Variants in CD1B observed in about 807,000 individuals in gnomAD.
CD1B encodes the protein CD1b molecule.
In CD1B, 43 loss-of-function variants were observed where a neutral mutation model predicts 39.8. That is an observed-to-expected ratio of 1.08 (90% CI 0.85 to 1.39). The LOEUF (loss-of-function observed/expected upper bound fraction) is 1.39. CD1B is among the 40% of genes most tolerant of loss of function. The probability of loss-of-function intolerance (pLI) is 0.00; values close to 1 mark genes in which losing one functional copy is unlikely to be tolerated. For missense variants in CD1B, 495 were observed against 403.8 expected (o/e 1.23, Z -1.94); for synonymous variants, 192 against 152.5 (o/e 1.26, Z -1.91).
Position 158,331,063 on chromosome 1 carries a change from C to T in CD1B, c.62-1G>A, listed in dbSNP as rs1652584615. On this transcript the variant is annotated splice_acceptor_variant, in intron 1 of 5. Transcript: ENST00000368168. LOFTEE classifies it high-confidence loss of function. Reference sequence around the variant, plus strand: ...TGAAAGGAGGTCGGCCCCTGGAAGGCTGTGAAGAGTGGAAAAGCAAGATGG... The same window carrying T: ...TGAAAGGAGGTCGGCCCCTGGAAGGTTGTGAAGAGTGGAAAAGCAAGATGG... 6.2e-7 allele frequency: 1 copy of T among 1,601,512 alleles called. No homozygotes were observed. Among genetic ancestry groups the T allele is most frequent in the Non-Finnish European group, 8.5e-7 (1 of 1,175,416 alleles).
At chr1:158,305,221 G>A in the CD1B span, among the ~76,000 whole-genome samples, 1 of 152,106 alleles carries the variant, frequency 6.6e-6, no homozygotes, top group African/African-American at 2.4e-5. Context: ...ACTAGAATAA[G>A]CAATGCAGAG....
At chr1:158,309,119 T>C in the CD1B span, among the ~76,000 whole-genome samples, 1 of 151,910 alleles carries the variant, frequency 6.6e-6, no homozygotes, top group Non-Finnish European at 1.5e-5. Flanking sequence ...TACTATGAAC[T>C]CAAACAAATT....
At position 158,328,175 on chromosome 1, in the gene CD1B, G is replaced by C. The variant is rs190751366; in HGVS notation, c.*61C>G. 1.8e-3 allele frequency: 2,190 copies of C among 1,250,512 alleles called. 17 individuals are homozygous for C. The highest frequency in any genetic ancestry group is 4.5e-3 in the South Asian group (353 of 78,232). 77.5% of individuals were successfully genotyped at this position (1,250,512 alleles called of 1,614,324 possible). ...TTGAAATATGATAAGATTGACTTTT[G>C]GGCTGATATCTTGGGCTTCTTGGTA... On this transcript the variant is annotated 3_prime_UTR_variant, in exon 6 of 6. Transcript: ENST00000368168.
the CD1B span, among the ~76,000 whole-genome samples, chr1:158,294,773 T>C: frequency 7.2e-4 from 110 of 152,350 alleles, no homozygotes; most frequent in South Asian, 3.1e-3. Flanking sequence ...ATCTACTTGG[T>C]ATTGCCTTTT....
At chr1:158,287,699 C>A in the CD1B span, among the ~76,000 whole-genome samples, 2 of 151,866 alleles carry the variant, frequency 1.3e-5, no homozygotes, top group Non-Finnish European at 2.9e-5. Flanking sequence ...TTCAAGAGGG[C>A]AAAAAGGATG....
Position 158,329,349 on chromosome 1 carries a change from TGGGTC to T in CD1B, c.886+16_886+20del. Reference sequence around the variant, plus strand: ...AGATCACTTCCTGGCATTTCCAGCCTGGGTCCCTGCTATTTCTTACTCCAGTAGAG... The same window carrying T: ...AGATCACTTCCTGGCATTTCCAGCCTCCTGCTATTTCTTACTCCAGTAGAG... On this transcript the variant is annotated intron_variant, in intron 4 of 5. Transcript: ENST00000368168. The T allele has an allele frequency of 6.2e-7, 1 of 1,601,776 alleles. No individual in the cohort carries two copies. The highest frequency in any genetic ancestry group is 8.5e-7 in the Non-Finnish European group (1 of 1,171,382).
At position 158,328,230 on chromosome 1, in the gene CD1B, G is replaced by A; in HGVS notation, c.*6C>T. ...TTGCGAATGGGAGAGGAGACATGAT[G>A]ATGGCTCATGGGATATTCTGATATG... On this transcript the variant is annotated 3_prime_UTR_variant, in exon 6 of 6. Coordinates refer to ENST00000368168, the MANE Select transcript of CD1B (RefSeq NM_001764.3). 6.2e-7 allele frequency: 1 copy of A among 1,610,712 alleles called. No homozygotes were observed. Among genetic ancestry groups the A allele is most frequent in the South Asian group, 1.1e-5 (1 of 90,866 alleles).
At chr1:158,320,764 T>C in the CD1B span, among the ~76,000 whole-genome samples, 1 of 152,330 alleles carries the variant, frequency 6.6e-6, no homozygotes, top group East Asian at 1.9e-4. Context: ...TTTTTTTCAC[T>C]GAACCACTGG....
At chr1:158,310,176 C>T in the CD1B span, among the ~76,000 whole-genome samples, 2 of 152,112 alleles carry the variant, frequency 1.3e-5, no homozygotes, top group East Asian at 1.9e-4. Flanking sequence ...CACCTTACAA[C>T]CATCTGATCT....
the CD1B span, among the ~76,000 whole-genome samples, chr1:158,303,883 G>A: frequency 1.3e-5 from 2 of 152,110 alleles, no homozygotes; most frequent in Non-Finnish European, 2.9e-5. Context: ...TCCTATCAAA[G>A]TACCAATGAC....
At chr1:158,305,831 A>G in the CD1B span, among the ~76,000 whole-genome samples, 1 of 152,240 alleles carries the variant, frequency 6.6e-6, no homozygotes, top group Non-Finnish European at 1.5e-5. Flanking sequence ...TAGCCAAACT[A>G]AGCTTCATAA....
At chr1:158,319,974 G>A in the CD1B span, among the ~76,000 whole-genome samples, 12 of 152,308 alleles carry the variant, frequency 7.9e-5, no homozygotes, top group East Asian at 1.9e-4. Flanking sequence ...TAGGCTGCTC[G>A]GGAGTCAGGG....
chr1:158,317,134 G>C, the CD1B span, among the ~76,000 whole-genome samples: 1 of 151,856 alleles, frequency 6.6e-6, no homozygotes, highest in Non-Finnish European at 1.5e-5. Context: ...TTTTTTGGTT[G>C]TGTCTCTGCC....
the CD1B span, among the ~76,000 whole-genome samples, chr1:158,306,750 G>C: frequency 1.3e-5 from 2 of 152,076 alleles, no homozygotes; most frequent in Admixed American, 6.6e-5. Flanking sequence ...ACAGTGCAAT[G>C]AAACTAGGAT....
chr1:158,310,429 A>G, the CD1B span, among the ~76,000 whole-genome samples: 1 of 152,190 alleles, frequency 6.6e-6, no homozygotes, highest in African/African-American at 2.4e-5. Context: ...CATGATGAAG[A>G]CTTCAAAAGA....
chr1:158,308,335 T>A, the CD1B span, among the ~76,000 whole-genome samples: 1 of 152,180 alleles, frequency 6.6e-6, no homozygotes, highest in Non-Finnish European at 1.5e-5. Flanking sequence ...TAAAAGAAGA[T>A]ACAAACAAAT....
the CD1B span, among the ~76,000 whole-genome samples, chr1:158,306,181 A>G: frequency 6.6e-6 from 1 of 152,200 alleles, no homozygotes; most frequent in Non-Finnish European, 1.5e-5. Context: ...TATTCAGGAA[A>G]CCCATAGCAA....
the CD1B span, among the ~76,000 whole-genome samples, chr1:158,315,404 C>T: frequency 6.6e-6 from 1 of 151,784 alleles, no homozygotes. Flanking sequence ...TCTCTGATGG[C>T]CAGTGATGAT....
At chr1:158,325,074 A>C (rs1424177664), downstream of CD1B, among the ~76,000 whole-genome samples, 2 of 152,086 alleles carry the variant, frequency 1.3e-5, no homozygotes, top group African/African-American at 2.4e-5. Flanking sequence ...AAGAATAACT[A>C]TCTTATTACC....
Sources: gnomAD v4.1 joint callset for allele counts (sites outside exome capture counted in the v4.1 genomes callset) on GRCh38, gnomAD v4.1.1 for gene constraint, MANE v1.5 for transcripts, NCBI Gene and HGNC (gene_info 2026-07-23, HGNC 2026-07-21) for gene names.